ZC4H2: variants seen among roughly 807,000 people sequenced by gnomAD.
ZC4H2 encodes the protein zinc finger C4H2-type containing.
For missense variants in ZC4H2, 137 were observed against 173.9 expected, an observed-to-expected ratio of 0.79 and a Z score of 1.19; for synonymous variants, 84 against 66.3, an observed-to-expected ratio of 1.27 and a Z score of -1.30.
intron 1 of ZC4H2, among the ~76,000 whole-genome samples, chrX:64,964,736 G>A (rs1931526005): frequency 9.0e-6 from 1 of 111,507 alleles, no homozygotes; most frequent in African/African-American, 3.3e-5. Flanking sequence ...ACAGAGCACT[G>A]AAAATGGTAA....
At position 64,920,113 on chromosome X, in the gene ZC4H2, G is replaced by A. The variant is rs763449706; in HGVS notation, c.366C>T (p.Asp122=). The change falls in exon 3 of 5, where the codon GAC becomes GAT. Residue 122 remains aspartate, a synonymous_variant. Coordinates refer to ENST00000374839, the MANE Select transcript of ZC4H2 (RefSeq NM_018684.4). ...RMTLGLQRLP[D]LCEEEEKLSL... ...AAAGCTTCTCCTCTTCTTCACACAAGTCAGGGAGCCTCTGCAGGCCCAGAG... is the reference window on the plus strand; with the variant it reads ...AAAGCTTCTCCTCTTCTTCACACAAATCAGGGAGCCTCTGCAGGCCCAGAG... 5.8e-6 allele frequency: 7 copies of A among 1,211,428 alleles called. No individual in the cohort carries two copies. Among genetic ancestry groups the A allele is most frequent in the Non-Finnish European group, 6.7e-6 (6 of 895,403 alleles).
At chrX:64,953,057 A>C (rs1249094351) in intron 1 of ZC4H2, among the ~76,000 whole-genome samples, 1 of 112,098 alleles carries the variant, frequency 8.9e-6, no homozygotes, top group Non-Finnish European at 1.9e-5. Context: ...ACCTGACAAA[A>C]ACAAGCAATG....
chrX:64,921,351 C>T (rs1929187872), intron 2 of ZC4H2, among the ~76,000 whole-genome samples: 1 of 111,574 alleles, frequency 9.0e-6, no homozygotes, highest in Non-Finnish European at 1.9e-5. Context: ...GCAGACAGTT[C>T]ATATTCTGTG....
chrX:64,963,680 TA>T (rs988622864), intron 1 of ZC4H2, among the ~76,000 whole-genome samples: 4 of 110,877 alleles, frequency 3.6e-5, no homozygotes, highest in Non-Finnish European at 7.6e-5. Context: ...AATAAATATA[TA>T]AAAATATATA....
intron 1 of ZC4H2, among the ~76,000 whole-genome samples, chrX:64,958,127 T>C (rs936238890): frequency 8.0e-5 from 9 of 112,251 alleles, no homozygotes; most frequent in African/African-American, 2.9e-4. Flanking sequence ...AGTAAATGCA[T>C]ACACCAGTAA....
chrX:64,936,559 A>C (rs1473882081), intron 1 of ZC4H2, among the ~76,000 whole-genome samples: 2 of 112,336 alleles, frequency 1.8e-5, no homozygotes, highest in East Asian at 5.6e-4. Flanking sequence ...AGCCCATCAG[A>C]CTAACAGCAG....
At chrX:64,970,712 A>G in intron 1 of ZC4H2, among the ~76,000 whole-genome samples, 1 of 111,998 alleles carries the variant, frequency 8.9e-6, no homozygotes, top group Non-Finnish European at 1.9e-5. Flanking sequence ...TCCTTGAAAA[A>G]TGAGTAGGAT....
At chrX:64,961,283 T>A (rs1375291365) in intron 1 of ZC4H2, among the ~76,000 whole-genome samples, 1 of 111,889 alleles carries the variant, frequency 8.9e-6, no homozygotes, top group Non-Finnish European at 1.9e-5. Context: ...TGTTTATTTT[T>A]AAAAATCTTT....
intron 1 of ZC4H2, among the ~76,000 whole-genome samples, chrX:64,929,405 G>A (rs747790072): frequency 1.3e-4 from 14 of 111,542 alleles, no homozygotes; most frequent in South Asian, 1.1e-3. Flanking sequence ...TTTTAGTTGC[G>A]TTTGATTTTG....
At chrX:64,988,060 G>T (rs765879458) in intron 1 of ZC4H2, among the ~76,000 whole-genome samples, 3 of 109,438 alleles carry the variant, frequency 2.7e-5, no homozygotes, top group Admixed American at 9.7e-5. Context: ...CAAAGGACAT[G>T]AACTCATCCT....
intron 1 of ZC4H2, among the ~76,000 whole-genome samples, chrX:65,022,106 A>T (rs1038665732): frequency 5.3e-5 from 6 of 112,170 alleles, no homozygotes; most frequent in Non-Finnish European, 9.4e-5. Context: ...TACAAAAAGC[A>T]GCTGATACCA....
intron 1 of ZC4H2, among the ~76,000 whole-genome samples, chrX:64,950,680 T>C (rs1239100566): frequency 9.0e-6 from 1 of 111,226 alleles, no homozygotes; most frequent in Non-Finnish European, 1.9e-5. Context: ...TCCCCACCTT[T>C]TTTGTTTTCC....
At chrX:65,019,000 G>A (rs1200282357) in intron 1 of ZC4H2, among the ~76,000 whole-genome samples, 1 of 111,700 alleles carries the variant, frequency 9.0e-6, no homozygotes. Context: ...TCCTCTCTGC[G>A]CAGGGCATCT....
At chrX:64,919,590 G>A (rs1447986455) in intron 3 of ZC4H2, 1 of 145,886 alleles carries the variant, frequency 6.9e-6, no homozygotes, top group African/African-American at 3.1e-5. Flanking sequence ...TTTAGGAAAT[G>A]ATTTCCTCTA....
At chrX:64,987,988 G>A (rs1932225521) in intron 1 of ZC4H2, among the ~76,000 whole-genome samples, 1 of 102,548 alleles carries the variant, frequency 9.8e-6, no homozygotes, top group South Asian at 4.7e-4. Context: ...TGCAGTGTTT[G>A]GTTTTCTGTC....
At chrX:64,922,745 C>T (rs771214560) in intron 1 of ZC4H2, among the ~76,000 whole-genome samples, 1 of 112,327 alleles carries the variant, frequency 8.9e-6, no homozygotes, top group South Asian at 3.7e-4. Context: ...TGTATCTGTG[C>T]TGTCCAGTAT....
intron 1 of ZC4H2, among the ~76,000 whole-genome samples, chrX:65,033,409 G>T (rs1402503212): frequency 8.9e-6 from 1 of 111,749 alleles, no homozygotes. Flanking sequence ...TAACTGGAGG[G>T]TTTATGCAGA....
intron 1 of ZC4H2, among the ~76,000 whole-genome samples, chrX:64,964,222 T>C (rs1931506826): frequency 9.0e-6 from 1 of 110,781 alleles, no homozygotes; most frequent in Admixed American, 9.7e-5. Flanking sequence ...TAAATTAAAT[T>C]AAATCAAATT....
At chrX:64,965,283 T>G (rs1931547838) in intron 1 of ZC4H2, among the ~76,000 whole-genome samples, 1 of 111,624 alleles carries the variant, frequency 9.0e-6, no homozygotes, top group Non-Finnish European at 1.9e-5. Flanking sequence ...CCGTAATTAT[T>G]AAAAAGATAT....
Sources: allele counts gnomAD v4.1 joint callset (sites outside exome capture counted in the v4.1 genomes callset), GRCh38; gene constraint gnomAD v4.1.1; transcripts MANE v1.5; gene names NCBI Gene and HGNC (gene_info 2026-07-23, HGNC 2026-07-21).